Variants in USP6NL observed in about 807,000 individuals in gnomAD.
The protein encoded by USP6NL is USP6 N-terminal-like protein.
USP6NL carries 26 observed loss-of-function variants against 61.9 expected under a neutral mutation model. The observed-to-expected ratio is 0.42, with a 90% CI of 0.31 to 0.58. The LOEUF is 0.58. USP6NL is among the 20% of genes least tolerant of loss of function. The probability of loss-of-function intolerance (pLI) is 0.16; values close to 1 mark genes in which losing one functional copy is unlikely to be tolerated. For synonymous variants in USP6NL, 432 were observed against 390.1 expected, an observed-to-expected ratio of 1.11 and a Z score of -1.27; for missense variants, 1,114 against 1,034.3, an observed-to-expected ratio of 1.08 and a Z score of -1.06.
chr10:11,475,316 A>AG (rs59616035), intron 14 of USP6NL, among the ~76,000 whole-genome samples: 1 of 151,572 alleles, frequency 6.6e-6, no homozygotes, highest in Non-Finnish European at 1.5e-5. Context: ...AAAAAAAAAA[A>AG]TGTAAAAGAG....
chr10:11,590,818 G>A (rs1259180606), intron 2 of USP6NL, among the ~76,000 whole-genome samples: 1 of 152,084 alleles, frequency 6.6e-6, no homozygotes, highest in Non-Finnish European at 1.5e-5. Context: ...ACACGCACCT[G>A]CATTTGGAAT....
At chr10:11,566,964 A>T (rs1219671131) in intron 2 of USP6NL, among the ~76,000 whole-genome samples, 1 of 152,148 alleles carries the variant, frequency 6.6e-6, no homozygotes, top group East Asian at 1.9e-4. Flanking sequence ...ATAAGACAAA[A>T]TTAGCCAGGC....
Position 11,481,992 on chromosome 10 carries a change from A to T in USP6NL, c.926-70T>A. 1 of 1,458,432 alleles carries T rather than the reference A, an allele frequency of 6.9e-7. No homozygotes were observed. The highest frequency in any genetic ancestry group is 1.4e-5 in the South Asian group (1 of 69,280). The allele number at this position is 1,458,432 out of a possible 1,614,324, so 90.3% of individuals were successfully genotyped here. ...TTTAGGTAGGAAGATATTCTATTATATTCAGGTGTAGTGTAAAAGGGCATT... is the reference window on the plus strand; with the variant it reads ...TTTAGGTAGGAAGATATTCTATTATTTTCAGGTGTAGTGTAAAAGGGCATT... On this transcript the variant is annotated intron_variant, in intron 13 of 14. Coordinates refer to ENST00000609104, the MANE Select transcript of USP6NL (RefSeq NM_014688.5). This position sits in a 1 kb window ranked among gnomAD's most constrained non-coding sequence, Gnocchi z 4.4.
Position 11,491,965 on chromosome 10 carries a change from A to C in USP6NL, c.495-1085T>G, listed in dbSNP as rs1003161519. On this transcript the variant is annotated intron_variant, in intron 8 of 14. Transcript: ENST00000609104. This position sits in a 1 kb window ranked among gnomAD's most constrained non-coding sequence, Gnocchi z 4.7. Reference sequence around the variant, plus strand: ...GAGTATTTCTTCCTTATTTTTTTGTAAATGTGCTTGTATATATACCAACAA... The same window carrying C: ...GAGTATTTCTTCCTTATTTTTTTGTCAATGTGCTTGTATATATACCAACAA... 1.3e-5 allele frequency among the ~76,000 whole-genome samples: 2 copies of C among 152,210 alleles called. No individual in the cohort carries two copies. The highest frequency in any genetic ancestry group is 4.8e-5 in the African/African-American group (2 of 41,438).
At chr10:11,530,118 A>G (rs1209742499) in intron 2 of USP6NL, among the ~76,000 whole-genome samples, 1 of 151,506 alleles carries the variant, frequency 6.6e-6, no homozygotes, top group Non-Finnish European at 1.5e-5. Context: ...AAAAAAAAAA[A>G]AAAAAAGAAA....
At position 11,463,424 on chromosome 10, in the gene USP6NL, A is replaced by G; in HGVS notation, c.1504T>C (p.Tyr502His). ...DVSATERTAK[Y>H]TMEGKGRAAH... Reference sequence around the variant, plus strand: ...GCTCGACCTTTGCCTTCCATGGTGTATTTGGCAGTTCTCTCTGTAGCTGAG... The same window carrying G: ...GCTCGACCTTTGCCTTCCATGGTGTGTTTGGCAGTTCTCTCTGTAGCTGAG... The change falls in exon 15 of 15, where the codon TAC becomes CAC. Residue 502 changes from tyrosine (Y) to histidine (H), a missense_variant. Physicochemically the swap from Tyr to His is moderately conservative, Grantham distance 83 (BLOSUM62 2). Coordinates refer to ENST00000609104, the MANE Select transcript of USP6NL (RefSeq NM_014688.5). The surrounding 1 kb of genome is among the most constrained non-coding windows in gnomAD (Gnocchi z 6.3). The G allele has an allele frequency of 1.2e-6, 2 of 1,613,944 alleles. No individual in the cohort carries two copies. The highest frequency in any genetic ancestry group is 1.7e-6 in the Non-Finnish European group (2 of 1,179,876).
In USP6NL at chr10:11,490,815, G is replaced by A; in HGVS notation, c.543+17C>T. ...GAATACAACTCAAAGACCTTGGGCA[G>A]GCAGGCCCCAACTTACCGTGTTATA... On this transcript the variant is annotated intron_variant, in intron 9 of 14. Coordinates refer to ENST00000609104, the MANE Select transcript of USP6NL (RefSeq NM_014688.5). This position sits in a 1 kb window ranked among gnomAD's most constrained non-coding sequence, Gnocchi z 4.5. 1 of 1,552,736 alleles carries A rather than the reference G, an allele frequency of 6.4e-7. No homozygotes were observed. Among genetic ancestry groups the A allele is most frequent in the Non-Finnish European group, 8.7e-7 (1 of 1,148,686 alleles).
At chr10:11,554,525 G>A (rs1836606327) in intron 2 of USP6NL, among the ~76,000 whole-genome samples, 2 of 152,188 alleles carry the variant, frequency 1.3e-5, no homozygotes. Flanking sequence ...TCCAGCTCAG[G>A]CCCCTGAATG....
intron 2 of USP6NL, among the ~76,000 whole-genome samples, chr10:11,544,322 A>G (rs1836189280): frequency 6.6e-6 from 1 of 152,224 alleles, no homozygotes; most frequent in South Asian, 2.1e-4. Context: ...CAATTTCCAC[A>G]TAAAATACCA....
At chr10:11,586,366 CA>C (rs199913084) in intron 2 of USP6NL, among the ~76,000 whole-genome samples, 1 of 72,614 alleles carries the variant, frequency 1.4e-5, no homozygotes. Context: ...CTTAAATGAC[CA>C]AAAAAAAACT....
At position 11,482,648 on chromosome 10, in the gene USP6NL, CT is replaced by C. The variant is rs1833248007; in HGVS notation, c.926-727del. Among the ~76,000 whole-genome samples, 1 of 152,090 alleles carries C rather than the reference CT, an allele frequency of 6.6e-6. No homozygotes were observed. The highest frequency in any genetic ancestry group is 1.5e-5 in the Non-Finnish European group (1 of 68,016). ...CTCATTTCAACAAATATGATGTGTACTATATGTAAGCATTGTAATTTACTTA... is the reference window on the plus strand; with the variant it reads ...CTCATTTCAACAAATATGATGTGTACATATGTAAGCATTGTAATTTACTTA... On this transcript the variant is annotated intron_variant, in intron 13 of 14. Transcript: ENST00000609104. This position sits in a 1 kb window ranked among gnomAD's most constrained non-coding sequence, Gnocchi z 4.0.
At chr10:11,563,498 A>G (rs1837018960) in intron 2 of USP6NL, 1 of 152,158 alleles carries the variant, frequency 6.6e-6, no homozygotes, top group East Asian at 1.9e-4. Flanking sequence ...TGTGGATTGT[A>G]CCAATATCAA....
chr10:11,580,554 G>T (rs1837721082), intron 2 of USP6NL, among the ~76,000 whole-genome samples: 1 of 152,148 alleles, frequency 6.6e-6, no homozygotes, highest in Non-Finnish European at 1.5e-5. Flanking sequence ...TAAAAAAATT[G>T]CATTCTAGAC....
rs559076336 is a variant in USP6NL, at chr10:11,495,105, G to A, written c.385-1877C>T. 4.5e-4 allele frequency among the ~76,000 whole-genome samples: 68 copies of A among 152,338 alleles called. 1 individual carries two copies. The South Asian group carries it at 0.011, about 24-fold the overall frequency. On this transcript the variant is annotated intron_variant, in intron 7 of 14. Transcript: ENST00000609104. This position sits in a 1 kb window ranked among gnomAD's most constrained non-coding sequence, Gnocchi z 4.6. ...AACGGGCGTCTTCCCAGATGCTGGCGTTACCGCTAGACCAAGGAGCCCTCT... is the reference window on the plus strand; with the variant it reads ...AACGGGCGTCTTCCCAGATGCTGGCATTACCGCTAGACCAAGGAGCCCTCT...
intron 2 of USP6NL, among the ~76,000 whole-genome samples, chr10:11,558,257 T>C (rs556292095): frequency 1.4e-3 from 218 of 152,262 alleles, no homozygotes; most frequent in African/African-American, 4.9e-3. Flanking sequence ...GTACAACAAG[T>C]ATACACACTG....
intron 14 of USP6NL, among the ~76,000 whole-genome samples, chr10:11,480,940 T>A (rs1487241978): frequency 6.6e-6 from 1 of 152,218 alleles, no homozygotes; most frequent in African/African-American, 2.4e-5. Flanking sequence ...TCAAGTACTA[T>A]CTGGTAGAAA....
chr10:11,508,748 T>C (rs907119070), intron 6 of USP6NL, among the ~76,000 whole-genome samples: 1 of 152,210 alleles, frequency 6.6e-6, no homozygotes, highest in African/African-American at 2.4e-5. Context: ...AATGACTGTG[T>C]CAAGAAAAAG....
At position 11,462,509 on chromosome 10, in the gene USP6NL, G is replaced by T; in HGVS notation, c.2419C>A (p.Pro807Thr). ...ASPSGYPYSG[P>T]PPPAYHYRNR... is the part of the protein sequence containing the mutation. Reference sequence around the variant, plus strand: ...CTGTAGTGGTAGGCTGGAGGCGGGGGCCCTGAATATGGATATCCAGATGGA... The same window carrying T: ...CTGTAGTGGTAGGCTGGAGGCGGGGTCCCTGAATATGGATATCCAGATGGA... The change falls in exon 15 of 15, where the codon CCC (proline) becomes ACC (threonine). Residue 807 changes from proline (P) to threonine (T), a missense_variant. Physicochemically the swap from Pro to Thr is conservative, Grantham distance 38. Coordinates refer to ENST00000609104, the MANE Select transcript of USP6NL (RefSeq NM_014688.5). 1.2e-6 allele frequency: 2 copies of T among 1,614,026 alleles called. No individual in the cohort carries two copies. Among genetic ancestry groups the T allele is most frequent in the South Asian group, 1.1e-5 (1 of 91,080 alleles).
chr10:11,509,422 A>G (rs1398055743), intron 6 of USP6NL, among the ~76,000 whole-genome samples, 173 bp downstream of exon 6: 1 of 152,244 alleles, frequency 6.6e-6, no homozygotes, highest in African/African-American at 2.4e-5. Flanking sequence ...CGAATCGGGT[A>G]TTACGTTACT....
Sources: allele counts gnomAD v4.1 joint callset (sites outside exome capture counted in the v4.1 genomes callset), GRCh38; gene constraint gnomAD v4.1.1; non-coding constraint Gnocchi (gnomAD v3.1); transcripts MANE v1.5; gene names NCBI Gene and HGNC (gene_info 2026-07-23, HGNC 2026-07-21).